The following CTNNA3 variants were observed in gnomAD, a reference collection of about 807,000 sequenced individuals.
The protein encoded by CTNNA3 is catenin alpha-3.
A neutral mutation model predicts 95.7 loss-of-function variants in CTNNA3; 76 were observed. The observed-to-expected ratio is 0.79, with a 90% CI of 0.66 to 0.96. The LOEUF is 0.96. Among genes scored for constraint, CTNNA3 ranks in the 40% least tolerant of loss-of-function variants. The pLI is 0.00. For missense variants in CTNNA3, 1,191 were observed against 1,089.8 expected (o/e 1.09, Z -1.31); for synonymous variants, 431 against 374.4 (o/e 1.15, Z -1.74).
At chr10:66,532,327 T>C (rs1841496197) in intron 10 of CTNNA3, among the ~76,000 whole-genome samples, 1 of 151,982 alleles carries the variant, frequency 6.6e-6, no homozygotes, top group South Asian at 2.1e-4. Context: ...CCGGGCGTGG[T>C]GGTAGGTGCC....
At chr10:66,280,697 A>C in intron 12 of CTNNA3, 76 bp from the exon 13 acceptor site, 1 of 1,190,484 alleles carries the variant, frequency 8.4e-7, no homozygotes, top group Non-Finnish European at 1.1e-6. Context: ...CAGGAAATGT[A>C]GAATTTGGTT....
At position 66,253,444 on chromosome 10, in the gene CTNNA3, G is replaced by GTTA. The variant is rs574316314; in HGVS notation, c.1884+27025_1884+27026insTAA. On this transcript the variant is annotated intron_variant, in intron 13 of 17. Transcript: ENST00000433211. Reference sequence around the variant, plus strand: ...TTTACTATACCACAAGCTTCTGTATGGCCACTGGAATCCTTCTAACTCCAT... The same window carrying GTTA: ...TTTACTATACCACAAGCTTCTGTATGTTAGCCACTGGAATCCTTCTAACTCCAT... Among the ~76,000 whole-genome samples, 39 of 151,720 alleles carry GTTA rather than the reference G, an allele frequency of 2.6e-4. No individual in the cohort carries two copies. The East Asian group carries it at 5.8e-3, about 23-fold the overall frequency.
chr10:66,941,868 TA>T (rs1017576737), intron 7 of CTNNA3, among the ~76,000 whole-genome samples: 1 of 152,152 alleles, frequency 6.6e-6, no homozygotes, highest in South Asian at 2.1e-4. Flanking sequence ...GAGGATGACC[TA>T]AAAAAACCAC....
intron 13 of CTNNA3, among the ~76,000 whole-genome samples, chr10:66,164,689 C>T (rs536648403): frequency 6.6e-6 from 1 of 152,202 alleles, no homozygotes; most frequent in East Asian, 1.9e-4. Flanking sequence ...TGACACAATA[C>T]ATAAAAATAT....
At chr10:66,730,169 G>A (rs1296004340) in intron 9 of CTNNA3, among the ~76,000 whole-genome samples, 1 of 151,454 alleles carries the variant, frequency 6.6e-6, no homozygotes, top group Non-Finnish European at 1.5e-5. Flanking sequence ...ATTGCAGCAT[G>A]AGTCACAATA....
At chr10:67,540,824 G>A (rs949214727) in intron 3 of CTNNA3, among the ~76,000 whole-genome samples, 1 of 151,654 alleles carries the variant, frequency 6.6e-6, no homozygotes, top group Non-Finnish European at 1.5e-5. Context: ...TTTCATACTG[G>A]GAAACAGATG....
intron 17 of CTNNA3, among the ~76,000 whole-genome samples, chr10:65,926,069 A>G (rs2077164632): frequency 6.7e-6 from 1 of 149,930 alleles, no homozygotes; most frequent in Admixed American, 6.7e-5. Flanking sequence ...CTAAATATAT[A>G]ATAGATTACA....
chr10:65,964,655 C>T (rs573685307), intron 17 of CTNNA3, among the ~76,000 whole-genome samples: 3 of 152,178 alleles, frequency 2.0e-5, no homozygotes, highest in South Asian at 4.1e-4. Flanking sequence ...CAACATGAAA[C>T]TGTATATTTG....
intron 14 of CTNNA3, among the ~76,000 whole-genome samples, chr10:66,084,669 A>G (rs1159888119): frequency 6.6e-6 from 1 of 152,154 alleles, no homozygotes; most frequent in Non-Finnish European, 1.5e-5. Context: ...TATTTTCTCT[A>G]AGCCTCCTTC....
At chr10:67,582,814 T>C (rs1842456637) in intron 3 of CTNNA3, among the ~76,000 whole-genome samples, 1 of 152,164 alleles carries the variant, frequency 6.6e-6, no homozygotes, top group Non-Finnish European at 1.5e-5. Flanking sequence ...CATTATACAA[T>C]GGCCTTCTTT....
At chr10:66,843,891 A>G (rs971091207) in intron 7 of CTNNA3, among the ~76,000 whole-genome samples, 4 of 152,236 alleles carry the variant, frequency 2.6e-5, no homozygotes, top group African/African-American at 7.2e-5. Flanking sequence ...AAAATATTCT[A>G]TATTCACTAA....
At chr10:67,726,202 T>C (rs1465807114) in intron 1 of CTNNA3, among the ~76,000 whole-genome samples, 1 of 96,258 alleles carries the variant, frequency 1.0e-5, no homozygotes, top group Non-Finnish European at 1.8e-5. Flanking sequence ...ATATAATATA[T>C]CATATATTAT....
Position 67,312,630 on chromosome 10 carries a change from A to G in CTNNA3, c.580-92760T>C, listed in dbSNP as rs1261870385. 3.3e-5 allele frequency among the ~76,000 whole-genome samples: 5 copies of G among 152,258 alleles called. No individual in the cohort carries two copies. The South Asian group carries it at 1.0e-3, about 31-fold the overall frequency. On this transcript the variant is annotated intron_variant, in intron 5 of 17. Transcript: ENST00000433211. ...CATGCACATAGCAAAGACCAGCCTT[A>G]GAAGTCTGAGGACGATAGCCATTGA...
intron 7 of CTNNA3, among the ~76,000 whole-genome samples, chr10:66,933,597 C>T (rs1847529113): frequency 6.6e-6 from 1 of 152,170 alleles, no homozygotes; most frequent in South Asian, 2.1e-4. Context: ...GTATCAGTCA[C>T]ATGATATCTG....
intron 9 of CTNNA3, among the ~76,000 whole-genome samples, chr10:66,755,439 CTT>C (rs975046420): frequency 3.7e-4 from 56 of 152,146 alleles, no homozygotes; most frequent in African/African-American, 1.3e-3. Context: ...TAAAACATGA[CTT>C]ATATCTCGAT....
chr10:67,728,849 A>T (rs1023984953), intron 1 of CTNNA3, among the ~76,000 whole-genome samples: 5 of 152,134 alleles, frequency 3.3e-5, no homozygotes, highest in African/African-American at 1.2e-4. Flanking sequence ...CAAAAATGAA[A>T]AATAGGCCAT....
intron 7 of CTNNA3, among the ~76,000 whole-genome samples, chr10:67,111,201 C>G (rs1348523661): frequency 6.6e-6 from 1 of 152,094 alleles, no homozygotes; most frequent in Non-Finnish European, 1.5e-5. Flanking sequence ...AGTGACAAGA[C>G]TGGAAGAGGA....
intron 13 of CTNNA3, among the ~76,000 whole-genome samples, chr10:66,238,891 T>C (rs2089985360): frequency 6.6e-6 from 1 of 151,932 alleles, no homozygotes; most frequent in Admixed American, 6.6e-5. Context: ...TGTTTTCCAA[T>C]GTGAAAAATA....
chr10:66,702,983 T>C (rs10997319), intron 9 of CTNNA3, among the ~76,000 whole-genome samples: 26,467 of 152,032 alleles, frequency 0.17, 2,867 homozygotes, highest in East Asian at 0.33. Context: ...ATTTCCCCAT[T>C]GGTCAATGAA....
Sources: gnomAD v4.1 joint callset for allele counts (sites outside exome capture counted in the v4.1 genomes callset) on GRCh38, gnomAD v4.1.1 for gene constraint, MANE v1.5 for transcripts, NCBI Gene and HGNC (gene_info 2026-07-23, HGNC 2026-07-21) for gene names.